METTL4: variants seen among roughly 807,000 people sequenced by gnomAD.
METTL4 encodes the protein N(6)-adenine-specific methyltransferase METTL4.
Under a neutral mutation model 54.0 loss-of-function variants are expected in METTL4, and 40 were observed. The observed-to-expected ratio is 0.74, with a 90% CI of 0.58 to 0.96. The LOEUF (loss-of-function observed/expected upper bound fraction) is 0.96, where lower values mean the gene tolerates loss of function less well. Ranked by LOEUF, METTL4 falls within the 50% of genes least tolerant of loss-of-function variation. METTL4 has a pLI of 0.00. For synonymous variants in METTL4, 169 were observed against 183.8 expected (o/e 0.92, Z 0.65); for missense variants, 525 against 549.0 (o/e 0.96, Z 0.44).
At position 2,565,066 on chromosome 18, in the gene METTL4, T is replaced by C. The variant is rs751964547; in HGVS notation, c.397-1207A>G. Among the ~76,000 whole-genome samples the C allele has an allele frequency of 3.9e-5, 6 of 152,174 alleles. 1 individual carries two copies. Among genetic ancestry groups the C allele is most frequent in the Non-Finnish European group, 7.4e-5 (5 of 67,994 alleles). On this transcript the variant is annotated intron_variant, in intron 2 of 8. Transcript: ENST00000574538. ...ACTTTGGGAGGCCGAGGCAGGTGGA[T>C]CACCTGAGATCAGGAGTTCAAGACC...
At chr18:2,569,876 C>T (rs1448455063) in intron 1 of METTL4, among the ~76,000 whole-genome samples, 1 of 152,200 alleles carries the variant, frequency 6.6e-6, no homozygotes, top group Non-Finnish European at 1.5e-5. Flanking sequence ...GTTGGAAGAA[C>T]ATTTATTCAC....
In METTL4 at chr18:2,538,845, T is replaced by C; in HGVS notation, c.*155A>G. ...AAGTAAAATTCATCTTAAAATTACA[T>C]GAAGGCTAGTCACTTCTGGTCCCTT... is the stretch of plus-strand genomic sequence containing the variant. On this transcript the variant is annotated 3_prime_UTR_variant, in exon 9 of 9. Transcript: ENST00000574538. The C allele has an allele frequency of 1.5e-6, 1 of 668,670 alleles. No individual in the cohort carries two copies. Among genetic ancestry groups the C allele is most frequent in the African/African-American group, 1.8e-5 (1 of 55,548 alleles). 41.4% of individuals were successfully genotyped at this position (668,670 alleles called of 1,614,324 possible).
At chr18:2,555,112 G>A in intron 3 of METTL4, 74 bp from the exon 4 acceptor site, 1 of 1,416,614 alleles carries the variant, frequency 7.1e-7, no homozygotes, top group South Asian at 1.2e-5. Flanking sequence ...TTGAATATCT[G>A]AGTTTATAAA....
intron 1 of METTL4, chr18:2,568,347 T>C (rs2072452052): frequency 6.6e-6 from 1 of 152,124 alleles, no homozygotes; most frequent in Non-Finnish European, 1.5e-5. Flanking sequence ...AGAAATGAAT[T>C]AGAGGGAAGA....
chr18:2,551,348 G>A (rs1216296893), intron 5 of METTL4, among the ~76,000 whole-genome samples: 1 of 151,906 alleles, frequency 6.6e-6, no homozygotes, highest in Non-Finnish European at 1.5e-5. Flanking sequence ...TAAAGATATA[G>A]ATATCTGCAC....
chr18:2,557,042 G>C (rs141363424), intron 3 of METTL4, among the ~76,000 whole-genome samples: 245 of 152,182 alleles, frequency 1.6e-3, no homozygotes, highest in Non-Finnish European at 2.9e-3. Flanking sequence ...GAAAGAAATC[G>C]ATAGCCCCAG....
intron 8 of METTL4, chr18:2,540,226 T>C (rs2071974574): frequency 1.0e-6 from 1 of 984,958 alleles, no homozygotes; most frequent in East Asian, 1.1e-4. Context: ...TGACAAATAC[T>C]TAAATCAATT....
At chr18:2,541,078 T>C (rs1490546405) in intron 8 of METTL4, among the ~76,000 whole-genome samples, 2 of 152,230 alleles carry the variant, frequency 1.3e-5, no homozygotes, top group African/African-American at 2.4e-5. Context: ...TTTCTCAATG[T>C]AGTAAGTTTT....
chr18:2,551,751 G>A (rs1186851168), intron 5 of METTL4, among the ~76,000 whole-genome samples: 1 of 151,898 alleles, frequency 6.6e-6, no homozygotes, highest in Non-Finnish European at 1.5e-5. Context: ...AATCCTACTG[G>A]CACAGCTCAT....
Position 2,544,221 on chromosome 18 carries a change from A to G in METTL4, c.1247T>C (p.Leu416Pro). 1 of 1,611,374 alleles carries G rather than the reference A, an allele frequency of 6.2e-7. No individual in the cohort carries two copies. Among genetic ancestry groups the G allele is most frequent in the Non-Finnish European group, 8.5e-7 (1 of 1,179,056 alleles). Residue 416 changes from leucine (L) to proline (P), a missense_variant, in exon 8 of 9, where the codon CTT becomes CCT. By Grantham distance (98) the Leu-to-Pro change is moderately conservative (BLOSUM62 -3). Coordinates refer to ENST00000574538, the MANE Select transcript of METTL4 (RefSeq NM_022840.5). ...AGCAAGCGGTGGCTTATGTGAGTGA[A>G]GAGTACAGGGCACGCTGACAATTAA... ...HKLIVSVPCT[L>P]HSHKPPLAEV...
In METTL4 at chr18:2,544,774, C is replaced by A; in HGVS notation, c.1075-15G>T. 2 of 1,560,478 alleles carry A rather than the reference C, an allele frequency of 1.3e-6. No homozygotes were observed. The highest frequency in any genetic ancestry group is 1.8e-6 in the Non-Finnish European group (2 of 1,133,724). ...GAATTGGTTATCTGATAGGAAGGAG[C>A]CAACAAAAGAGGGTTATTTTTTCCC... On this transcript the variant is annotated splice_polypyrimidine_tract_variant and intron_variant, in intron 6 of 8. Coordinates refer to ENST00000574538, the MANE Select transcript of METTL4 (RefSeq NM_022840.5).
chr18:2,559,186 T>A (rs1301134661), intron 3 of METTL4, among the ~76,000 whole-genome samples: 1 of 152,152 alleles, frequency 6.6e-6, no homozygotes, highest in Non-Finnish European at 1.5e-5. Flanking sequence ...GAAGCATTAT[T>A]CACAACAGCC....
chr18:2,565,343 G>A (rs1015550019), intron 2 of METTL4, among the ~76,000 whole-genome samples: 1 of 152,044 alleles, frequency 6.6e-6, no homozygotes. Flanking sequence ...GGGGCCTACT[G>A]GAAGATGGAG....
At chr18:2,541,787 ACATTT>A (rs2071996217) in intron 8 of METTL4, among the ~76,000 whole-genome samples, 1 of 152,160 alleles carries the variant, frequency 6.6e-6, no homozygotes, top group Non-Finnish European at 1.5e-5. Context: ...AAAAGAGAAA[ACATTT>A]CATTTTATTA....
At position 2,539,048 on chromosome 18, in the gene METTL4, G is replaced by A. The variant is rs1254982989; in HGVS notation, c.1371C>T (p.Leu457=). The change falls in exon 9 of 9, where the codon CTC becomes CTT. Residue 457 remains leucine, a synonymous_variant. Transcript: ENST00000574538. Reference sequence around the variant, plus strand: ...TAAAATAATCCACATGCTGAAATTTGAGAACTTCATTGCCCCAACTAGTCC... The same window carrying A: ...TAAAATAATCCACATGCTGAAATTTAAGAACTTCATTGCCCCAACTAGTCC... ...PGWTSWGNEV[L]KFQHVDYFIA... 4 of 1,613,846 alleles carry A rather than the reference G, an allele frequency of 2.5e-6. No individual in the cohort carries two copies. The highest frequency in any genetic ancestry group is 3.4e-6 in the Non-Finnish European group (4 of 1,179,938).
chr18:2,539,879 G>T, intron 8 of METTL4: 1 of 931,410 alleles, frequency 1.1e-6, no homozygotes, highest in Non-Finnish European at 1.3e-6. Flanking sequence ...AAGTCTGTCT[G>T]CAATATAAAC....
intron 3 of METTL4, among the ~76,000 whole-genome samples, chr18:2,562,616 C>CT (rs1349168973): frequency 6.6e-6 from 1 of 152,056 alleles, no homozygotes; most frequent in Non-Finnish European, 1.5e-5. Context: ...CTGATAAATG[C>CT]TACAACATGG....
intron 8 of METTL4, among the ~76,000 whole-genome samples, chr18:2,542,903 G>A (rs796108282): frequency 6.1e-4 from 92 of 152,008 alleles, no homozygotes; most frequent in African/African-American, 2.1e-3. Context: ...CGAGGCGGGC[G>A]GATCACTTGA....
At chr18:2,541,221 G>T (rs1451143527) in intron 8 of METTL4, among the ~76,000 whole-genome samples, 1 of 152,040 alleles carries the variant, frequency 6.6e-6, no homozygotes, top group Non-Finnish European at 1.5e-5. Flanking sequence ...GGATTATTCT[G>T]GTTTTTAAAT....
Sources: gnomAD v4.1 joint callset for allele counts (sites outside exome capture counted in the v4.1 genomes callset) on GRCh38, gnomAD v4.1.1 for gene constraint, MANE v1.5 for transcripts, NCBI Gene and HGNC (gene_info 2026-07-23, HGNC 2026-07-21) for gene names.